Variants in ST3GAL3 observed in about 807,000 individuals in gnomAD.
The protein encoded by ST3GAL3 is CMP-N-acetylneuraminate-beta-1,4-galactoside alpha-2,3-sialyltransferase.
A neutral mutation model predicts 50.1 loss-of-function variants in ST3GAL3; 21 were observed. The observed-to-expected ratio is 0.42, with a 90% CI of 0.30 to 0.60. The LOEUF is 0.60. Ranked by LOEUF, ST3GAL3 falls within the 20% of genes least tolerant of loss-of-function variation. The probability of loss-of-function intolerance (pLI) is 0.19; values close to 1 mark genes in which losing one functional copy is unlikely to be tolerated. For synonymous variants in ST3GAL3, 183 were observed against 190.0 expected, an observed-to-expected ratio of 0.96 and a Z score of 0.30; for missense variants, 353 against 489.4, an observed-to-expected ratio of 0.72 and a Z score of 2.63.
intron 5 of ST3GAL3, among the ~76,000 whole-genome samples, chr1:43,889,085 G>C (rs538587706): frequency 7.6e-4 from 116 of 152,058 alleles, no homozygotes; most frequent in Non-Finnish European, 1.5e-3. Context: ...GAGTATTATT[G>C]AGTATGTAAT....
chr1:43,849,851 T>A (rs1192518060), intron 5 of ST3GAL3, among the ~76,000 whole-genome samples: 1 of 152,228 alleles, frequency 6.6e-6, no homozygotes, highest in South Asian at 2.1e-4. Context: ...CCCTTTGGCA[T>A]GCTGCTGGGT....
intron 5 of ST3GAL3, among the ~76,000 whole-genome samples, chr1:43,875,947 C>CTTA (rs1468564333): frequency 5.6e-4 from 32 of 57,376 alleles, no homozygotes; most frequent in South Asian, 2.9e-3. Context: ...TCTTCTTCTT[C>CTTA]TTCTTATTAT....
intron 9 of ST3GAL3, among the ~76,000 whole-genome samples, chr1:43,902,478 T>C (rs1203225048): frequency 6.6e-6 from 1 of 152,222 alleles, no homozygotes; most frequent in Admixed American, 6.5e-5. Context: ...GAGCTGGCCT[T>C]ACCTTCTTCC....
At chr1:43,779,012 G>A (rs1042391537) in intron 2 of ST3GAL3, among the ~76,000 whole-genome samples, 2 of 149,620 alleles carry the variant, frequency 1.3e-5, no homozygotes, top group African/African-American at 2.5e-5. Flanking sequence ...GCGTGATCTC[G>A]GCTCACTGCA....
In ST3GAL3 at chr1:43,770,040, G is replaced by A. The variant is rs539833868; in HGVS notation, c.119-22062G>A. ...GAGTAAATAATTTAAACTATAACTTGAACCATGGAGTAAATAATTTAAACT... is the reference window on the plus strand; with the variant it reads ...GAGTAAATAATTTAAACTATAACTTAAACCATGGAGTAAATAATTTAAACT... On this transcript the variant is annotated intron_variant, in intron 2 of 11. Transcript: ENST00000347631. Among the ~76,000 whole-genome samples the A allele has an allele frequency of 7.2e-5, 11 of 152,120 alleles. No homozygotes were observed. The East Asian group carries it at 2.1e-3, about 29-fold the overall frequency.
chr1:43,765,785 G>A (rs1261574060), intron 2 of ST3GAL3, among the ~76,000 whole-genome samples: 2 of 128,668 alleles, frequency 1.6e-5, no homozygotes, highest in South Asian at 4.7e-4. Flanking sequence ...GTGTGTGTGT[G>A]CGCGCGCGCG....
At chr1:43,773,711 G>A (rs1402846896) in intron 2 of ST3GAL3, among the ~76,000 whole-genome samples, 1 of 152,090 alleles carries the variant, frequency 6.6e-6, no homozygotes, top group Non-Finnish European at 1.5e-5. Context: ...CATAGCCATG[G>A]TACCATTATC....
intron 9 of ST3GAL3, among the ~76,000 whole-genome samples, chr1:43,902,015 T>A (rs1336744674): frequency 6.6e-6 from 1 of 152,190 alleles, no homozygotes; most frequent in Non-Finnish European, 1.5e-5. Flanking sequence ...TTAGTGTCCT[T>A]CTCCACCCCA....
intron 1 of ST3GAL3, among the ~76,000 whole-genome samples, chr1:43,710,773 C>T (rs567963213): frequency 6.6e-5 from 10 of 152,326 alleles, no homozygotes; most frequent in Admixed American, 1.3e-4. Flanking sequence ...TGATACGGAA[C>T]TTCCTTTGTG....
chr1:43,781,985 C>G (rs1304877821), intron 2 of ST3GAL3, among the ~76,000 whole-genome samples: 1 of 152,152 alleles, frequency 6.6e-6, no homozygotes, highest in Non-Finnish European at 1.5e-5. Context: ...GAATTCAGCT[C>G]CCTATTTTTT....
intron 4 of ST3GAL3, among the ~76,000 whole-genome samples, chr1:43,829,664 A>C (rs1309403589): frequency 6.6e-6 from 1 of 152,150 alleles, no homozygotes; most frequent in East Asian, 1.9e-4. Flanking sequence ...CCTTGCACAT[A>C]TTGTATCCTC....
intron 2 of ST3GAL3, among the ~76,000 whole-genome samples, chr1:43,778,912 G>T (rs560451011): frequency 6.6e-6 from 1 of 151,880 alleles, no homozygotes; most frequent in Non-Finnish European, 1.5e-5. Context: ...CTCCCAAAGC[G>T]CTGGGATTAC....
intron 2 of ST3GAL3, among the ~76,000 whole-genome samples, chr1:43,757,924 A>G (rs1372391605): frequency 6.6e-6 from 1 of 152,186 alleles, no homozygotes; most frequent in Non-Finnish European, 1.5e-5. Flanking sequence ...AAGTCAATAA[A>G]AAGTCAAAAC....
chr1:43,777,253 C>T (rs913867100), intron 2 of ST3GAL3, among the ~76,000 whole-genome samples: 2 of 152,138 alleles, frequency 1.3e-5, no homozygotes, highest in African/African-American at 4.8e-5. Flanking sequence ...TTAGTGTCTT[C>T]CAATACACAA....
intron 5 of ST3GAL3, among the ~76,000 whole-genome samples, chr1:43,845,933 A>G (rs2066180186): frequency 6.6e-6 from 1 of 152,126 alleles, no homozygotes. Context: ...ATTTCCTAAT[A>G]TTTGTGGGTG....
intron 1 of ST3GAL3, among the ~76,000 whole-genome samples, chr1:43,709,717 G>A (rs1026589310): frequency 3.3e-5 from 5 of 152,028 alleles, no homozygotes; most frequent in Non-Finnish European, 5.9e-5. Context: ...CGTGGTGGCA[G>A]GCGCCTGTAA....
intron 2 of ST3GAL3, among the ~76,000 whole-genome samples, chr1:43,754,085 A>T (rs1475745294): frequency 1.3e-5 from 2 of 152,242 alleles, no homozygotes; most frequent in African/African-American, 4.8e-5. Context: ...AGGTATTAAG[A>T]TATTCTTAGA....
chr1:43,850,635 C>A, intron 5 of ST3GAL3: 1 of 757,754 alleles, frequency 1.3e-6, no homozygotes. Flanking sequence ...CTCAGCCCTT[C>A]TGCCATCTGT....
chr1:43,742,873 T>C (rs1681589848), intron 2 of ST3GAL3, among the ~76,000 whole-genome samples: 1 of 152,096 alleles, frequency 6.6e-6, no homozygotes, highest in Non-Finnish European at 1.5e-5. Context: ...AATTATCCAG[T>C]CTGAACCACA....
Sources: gnomAD v4.1 joint callset for allele counts (sites outside exome capture counted in the v4.1 genomes callset) on GRCh38, gnomAD v4.1.1 for gene constraint, MANE v1.5 for transcripts, NCBI Gene and HGNC (gene_info 2026-07-23, HGNC 2026-07-21) for gene names.